The following HHAT variants were observed in gnomAD, a reference collection of about 807,000 sequenced individuals.
HHAT encodes the protein protein-cysteine N-palmitoyltransferase HHAT.
In HHAT, 47 loss-of-function variants were observed where a neutral mutation model predicts 70.8. The ratio of observed to expected loss-of-function variants is 0.66; its 90% CI spans 0.53 to 0.85. The LOEUF (loss-of-function observed/expected upper bound fraction) is 0.85, where lower values mean the gene tolerates loss of function less well. Ranked by LOEUF, HHAT falls within the 40% of genes least tolerant of loss-of-function variation. The pLI is 0.00. For missense variants in HHAT, 609 were observed against 604.8 expected (o/e 1.01, Z -0.07); for synonymous variants, 228 against 247.6 (o/e 0.92, Z 0.74).
intron 3 of HHAT, among the ~76,000 whole-genome samples, chr1:210,365,595 G>A (rs1246517812): frequency 6.6e-6 from 1 of 151,410 alleles, no homozygotes; most frequent in African/African-American, 2.4e-5. Flanking sequence ...TGGGATTACA[G>A]GTGTGGGCCA....
chr1:210,653,145 A>G (rs1223037559), intron 11 of HHAT, among the ~76,000 whole-genome samples: 1 of 152,060 alleles, frequency 6.6e-6, no homozygotes, highest in Non-Finnish European at 1.5e-5. Context: ...ATACATACAT[A>G]CATACATACA....
intron 9 of HHAT, among the ~76,000 whole-genome samples, chr1:210,580,392 G>A (rs983088711): frequency 5.9e-5 from 9 of 151,852 alleles, no homozygotes; most frequent in Non-Finnish European, 1.3e-4. Context: ...AAAAAAAGGG[G>A]GGATACGTGT....
rs888413749 is a variant in HHAT at position 210,608,026 on chromosome 1, G to A, written c.1246-15500G>A. Among the ~76,000 whole-genome samples, 10 of 152,294 alleles carry A rather than the reference G, an allele frequency of 6.6e-5. No individual in the cohort carries two copies. In the South Asian group the frequency reaches 1.7e-3, roughly 25 times the overall value. Reference sequence around the variant, plus strand: ...AGATGATCCTATGATAGTATATGCAGATCTGTGTAATCAGGAATGATATGG... The same window carrying A: ...AGATGATCCTATGATAGTATATGCAAATCTGTGTAATCAGGAATGATATGG... On this transcript the variant is annotated intron_variant, in intron 10 of 11. Transcript: ENST00000261458.
At chr1:210,513,080 A>T in intron 8 of HHAT, 73 bp from the exon 9 acceptor site, 1 of 884,056 alleles carries the variant, frequency 1.1e-6, no homozygotes, top group Non-Finnish European at 1.8e-6. Flanking sequence ...TTAAATTATA[A>T]ATATAGTTGT....
intron 10 of HHAT, among the ~76,000 whole-genome samples, chr1:210,616,617 A>G (rs1276288873): frequency 2.0e-5 from 3 of 152,218 alleles, no homozygotes; most frequent in Admixed American, 6.5e-5. Flanking sequence ...CACTTTGTGT[A>G]TGGCACTCAA....
chr1:210,574,632 T>C (rs1182117537), intron 9 of HHAT, among the ~76,000 whole-genome samples: 1 of 152,242 alleles, frequency 6.6e-6, no homozygotes. Flanking sequence ...AGACTTTGTG[T>C]GTGCAGTACT....
intron 8 of HHAT, among the ~76,000 whole-genome samples, chr1:210,475,929 T>C (rs2094299233): frequency 6.6e-6 from 1 of 152,196 alleles, no homozygotes. Context: ...TAAGTAAGGA[T>C]TTAGATATTA....
intron 2 of HHAT, among the ~76,000 whole-genome samples, chr1:210,361,134 G>T (rs2088265229): frequency 6.6e-6 from 1 of 152,200 alleles, no homozygotes; most frequent in Non-Finnish European, 1.5e-5. Context: ...GTTTCTAAAG[G>T]TTGCAGTTTC....
At chr1:210,497,858 C>T (rs1313643850) in intron 8 of HHAT, among the ~76,000 whole-genome samples, 1 of 151,874 alleles carries the variant, frequency 6.6e-6, no homozygotes, top group Non-Finnish European at 1.5e-5. Flanking sequence ...CTCCACCTCC[C>T]TGGTTCAAGC....
chr1:210,545,826 C>T (rs986030964), intron 9 of HHAT, among the ~76,000 whole-genome samples: 1 of 152,174 alleles, frequency 6.6e-6, no homozygotes, highest in Non-Finnish European at 1.5e-5. Flanking sequence ...CTCTCCAGAG[C>T]CTCATGACAG....
chr1:210,673,276 C>T (rs1680455855), intron 11 of HHAT, among the ~76,000 whole-genome samples: 1 of 151,948 alleles, frequency 6.6e-6, no homozygotes, highest in African/African-American at 2.4e-5. Context: ...ACAGAGGACC[C>T]TATATTTGGG....
chr1:210,555,975 A>G (rs2095568621), intron 9 of HHAT, among the ~76,000 whole-genome samples: 1 of 152,180 alleles, frequency 6.6e-6, no homozygotes, highest in African/African-American at 2.4e-5. Flanking sequence ...TTGAAAGCAT[A>G]GCCATGTTTG....
chr1:210,369,263 C>T (rs2089321056), intron 3 of HHAT, among the ~76,000 whole-genome samples: 1 of 152,096 alleles, frequency 6.6e-6, no homozygotes. Flanking sequence ...CACATTTTCC[C>T]ATGACAGGTT....
At chr1:210,645,823 T>C (rs529483190) in intron 11 of HHAT, among the ~76,000 whole-genome samples, 1 of 152,324 alleles carries the variant, frequency 6.6e-6, no homozygotes, top group Admixed American at 6.5e-5. Flanking sequence ...CTGAGACTTG[T>C]AGTGGTTCAT....
chr1:210,660,118 T>C (rs1467732214), intron 11 of HHAT, among the ~76,000 whole-genome samples: 2 of 152,112 alleles, frequency 1.3e-5, no homozygotes, highest in East Asian at 3.9e-4. Context: ...AAAGAGGAAG[T>C]CAAATTGTCC....
chr1:210,464,935 CT>C (rs1460542582), intron 8 of HHAT, among the ~76,000 whole-genome samples: 3 of 152,190 alleles, frequency 2.0e-5, no homozygotes, highest in Admixed American at 2.0e-4. Flanking sequence ...TCTTACTAAC[CT>C]GGGAAAGGCT....
In HHAT at chr1:210,349,003, T is replaced by G. The variant is rs2086778270; in HGVS notation, c.28T>G (p.Tyr10Asp). Residue 10 changes from tyrosine (Y) to aspartate (D), a missense_variant, in exon 2 of 12, where the codon TAC becomes GAC. Physicochemically the swap from Tyr to Asp is radical, Grantham distance 160. Transcript: ENST00000261458. MLPRWELAL[Y>D]LLASLGFHFY... ...GCTGCCCCGATGGGAACTGGCACTT[T>G]ACCTACTTGCCTCACTAGGCTTCCA... The G allele has an allele frequency of 1.9e-6, 3 of 1,614,090 alleles. No individual in the cohort carries two copies. The highest frequency in any genetic ancestry group is 2.5e-6 in the Non-Finnish European group (3 of 1,179,972).
chr1:210,638,403 A>G (rs535510602), intron 11 of HHAT, among the ~76,000 whole-genome samples: 1 of 152,338 alleles, frequency 6.6e-6, no homozygotes, highest in African/African-American at 2.4e-5. Flanking sequence ...GAAACACGGT[A>G]AATGAAAGAA....
At chr1:210,453,218 T>G (rs897923153) in intron 7 of HHAT, among the ~76,000 whole-genome samples, 1 of 152,214 alleles carries the variant, frequency 6.6e-6, no homozygotes, top group Admixed American at 6.5e-5. Flanking sequence ...TTCCCCTCTT[T>G]TGAGGCATTA....
Sources: allele counts gnomAD v4.1 joint callset (sites outside exome capture counted in the v4.1 genomes callset), GRCh38; gene constraint gnomAD v4.1.1; transcripts MANE v1.5; gene names NCBI Gene and HGNC (gene_info 2026-07-23, HGNC 2026-07-21).